Variants in DOLPP1 observed in about 807,000 individuals in gnomAD.
DOLPP1 encodes the protein dolichyldiphosphatase 1.
DOLPP1 carries 15 observed loss-of-function variants against 34.1 expected under a neutral mutation model. The observed-to-expected ratio is 0.44, with a 90% CI of 0.29 to 0.68. DOLPP1 has a LOEUF of 0.68. DOLPP1 is among the 30% of genes least tolerant of loss of function. The probability of loss-of-function intolerance (pLI) is 0.12; values close to 1 mark genes in which losing one functional copy is unlikely to be tolerated. For missense variants in DOLPP1, 249 were observed against 307.1 expected (o/e 0.81, Z 1.41); for synonymous variants, 130 against 128.2 (o/e 1.01, Z -0.10).
In DOLPP1 at chr9:129,085,322, G is replaced by A. The variant is rs777343699; in HGVS notation, c.362+16G>A. ...TGTATTTAAGGTGAGTTTCCACCCC[G>A]GTCAGGATGGCCCTGAACTTGCTCA... On this transcript the variant is annotated intron_variant, in intron 4 of 7. Transcript: ENST00000372546. The surrounding 1 kb of genome is among the most constrained non-coding windows in gnomAD (Gnocchi z 7.0). The A allele has an allele frequency of 3.5e-5, 57 of 1,608,540 alleles. No homozygotes were observed. In the South Asian group the frequency reaches 4.8e-4, roughly 14 times the overall value.
rs766353363 is a variant in DOLPP1, at chr9:129,086,120, G to A, written c.462-19G>A. On this transcript the variant is annotated intron_variant, in intron 5 of 7. Coordinates refer to ENST00000372546, the MANE Select transcript of DOLPP1 (RefSeq NM_020438.5). ...TGTCTGACTGGCTCTCACATACTTC[G>A]CTTCTGGCCTTGGCCCAGGGTCTAC... The A allele has an allele frequency of 7.4e-6, 12 of 1,611,284 alleles. No homozygotes were observed. The highest frequency in any genetic ancestry group is 8.5e-6 in the Non-Finnish European group (10 of 1,178,940).
In DOLPP1 at chr9:129,085,309, G is replaced by A; in HGVS notation, c.362+3G>A. On this transcript the variant is annotated splice_donor_region_variant and intron_variant, in intron 4 of 7. Transcript: ENST00000372546. The surrounding 1 kb of genome is among the most constrained non-coding windows in gnomAD (Gnocchi z 7.0). ...TCCTTCCTTTTCCTGTATTTAAGGTGAGTTTCCACCCCGGTCAGGATGGCC... is the reference window on the plus strand; with the variant it reads ...TCCTTCCTTTTCCTGTATTTAAGGTAAGTTTCCACCCCGGTCAGGATGGCC... The A allele has an allele frequency of 6.2e-7, 1 of 1,613,022 alleles. No homozygotes were observed. Among genetic ancestry groups the A allele is most frequent in the African/African-American group, 1.3e-5 (1 of 75,048 alleles).
chr9:129,081,194 C>T lies in DOLPP1; in HGVS notation c.63C>T (p.Val21=). ...ASWRPVTLTH[V]EYPAGDLSGH... ...GGCGGCCGGTGACCCTCACCCACGT[C>T]GAATATCCTGCAGGTAAAAGGCGGT... is the stretch of plus-strand genomic sequence containing the variant. Residue 21 remains valine (V), a synonymous_variant, in exon 1 of 8, where the codon GTC becomes GTT. Transcript: ENST00000372546. 1 of 1,610,286 alleles carries T rather than the reference C, an allele frequency of 6.2e-7. No homozygotes were observed. The highest frequency in any genetic ancestry group is 8.5e-7 in the Non-Finnish European group (1 of 1,179,630).
In DOLPP1 at chr9:129,086,218, A is replaced by G; in HGVS notation, c.541A>G (p.Ile181Val). The G allele has an allele frequency of 6.2e-7, 1 of 1,613,604 alleles. No individual in the cohort carries two copies. The highest frequency in any genetic ancestry group is 8.5e-7 in the Non-Finnish European group (1 of 1,179,994). Reference protein sequence around the residue: ...AGGLMAIAWFIFTQEVLTPLF... With the variant: ...AGGLMAIAWFVFTQEVLTPLF... ...AGGCCTCATGGCCATCGCCTGGTTC[A>G]TCTTCACCCAGGAGGTCCTCACCCC... The change falls in exon 6 of 8, where the codon ATC becomes GTC. Residue 181 changes from isoleucine to valine, a missense_variant. Transcript: ENST00000372546.
At position 129,081,166 on chromosome 9, in the gene DOLPP1, C is replaced by T. The variant is rs746315520; in HGVS notation, c.35C>T (p.Ser12Leu). ...AADGQCSLPA[S>L]WRPVTLTHVE... is the part of the protein sequence containing the mutation. The stretch of plus-strand genomic sequence containing the variant: ...GACGGACAGTGCTCGCTCCCCGCTT[C>T]ATGGCGGCCGGTGACCCTCACCCAC... The change falls in exon 1 of 8, where the codon TCA becomes TTA. Residue 12 changes from serine to leucine, a missense_variant. Coordinates refer to ENST00000372546, the MANE Select transcript of DOLPP1 (RefSeq NM_020438.5). 6.2e-7 allele frequency: 1 copy of T among 1,610,082 alleles called. No individual in the cohort carries two copies. The highest frequency in any genetic ancestry group is 8.5e-7 in the Non-Finnish European group (1 of 1,179,498).
chr9:129,087,477 G>A (rs1412497313), intron 7 of DOLPP1, among the ~76,000 whole-genome samples: 12 of 152,158 alleles, frequency 7.9e-5, no homozygotes. Context: ...CACCACGCCC[G>A]GCTAATTTTT....
chr9:129,086,787 G>A lies in DOLPP1; in HGVS notation c.669G>A (p.Arg223=). The change falls in exon 7 of 8, where the codon CGG becomes CGA. Residue 223 remains arginine, a synonymous_variant. Transcript: ENST00000372546. ...NVLWFEYTVT[R]AEARNRQRKL... ...TCTGGTTTGAGTACACGGTAACCCGGGCAGAAGCCAGGTGAGTTCAGGGGA... is the reference window on the plus strand; with the variant it reads ...TCTGGTTTGAGTACACGGTAACCCGAGCAGAAGCCAGGTGAGTTCAGGGGA... 1 of 1,613,606 alleles carries A rather than the reference G, an allele frequency of 6.2e-7. No individual in the cohort carries two copies. Among genetic ancestry groups the A allele is most frequent in the Non-Finnish European group, 8.5e-7 (1 of 1,179,978 alleles).
At chr9:129,083,539 T>C (rs1047820521) in intron 1 of DOLPP1, among the ~76,000 whole-genome samples, 1 of 152,136 alleles carries the variant, frequency 6.6e-6, no homozygotes, top group Non-Finnish European at 1.5e-5. Flanking sequence ...AGACCGGGCA[T>C]GTGTGTGTCT....
At chr9:129,088,153 G>A (rs1369994028) in intron 7 of DOLPP1, among the ~76,000 whole-genome samples, 1 of 128,776 alleles carries the variant, frequency 7.8e-6, no homozygotes, top group Non-Finnish European at 1.7e-5. Context: ...GGTGGGGGGG[G>A]ATGGGGGGAT....
At chr9:129,082,166 C>G (rs747869604) in intron 1 of DOLPP1, among the ~76,000 whole-genome samples, 18 of 152,196 alleles carry the variant, frequency 1.2e-4, no homozygotes, top group Non-Finnish European at 2.4e-4. Context: ...TCATTGAGCC[C>G]TGGTTGCCTG....
At chr9:129,084,209 T>C (rs1846941150) in intron 1 of DOLPP1, among the ~76,000 whole-genome samples, 1 of 152,186 alleles carries the variant, frequency 6.6e-6, no homozygotes, top group Non-Finnish European at 1.5e-5. Context: ...GTGGCTCTCA[T>C]GTGCCTGCCG....
intron 1 of DOLPP1, 34 bp downstream of exon 1, chr9:129,081,241 C>T: frequency 6.2e-7 from 1 of 1,603,654 alleles, no homozygotes; most frequent in South Asian, 1.1e-5. Flanking sequence ...GGACGCCTTC[C>T]CAGGGACGGC....
chr9:129,082,172 G>C (rs929724778), intron 1 of DOLPP1, among the ~76,000 whole-genome samples: 2 of 152,192 alleles, frequency 1.3e-5, no homozygotes, highest in Non-Finnish European at 2.9e-5. Context: ...AGCCCTGGTT[G>C]CCTGGGAAGG....
At position 129,081,201 on chromosome 9, in the gene DOLPP1, C is replaced by G. The variant is rs1846878961; in HGVS notation, c.70C>G (p.Pro24Ala). The G allele has an allele frequency of 1.2e-6, 2 of 1,609,984 alleles. No homozygotes were observed. The highest frequency in any genetic ancestry group is 1.3e-5 in the African/African-American group (1 of 74,830). The change falls in exon 1 of 8, where the codon CCT (proline) becomes GCT (alanine). Residue 24 changes from proline to alanine, a missense_variant. By Grantham distance (27) the Pro-to-Ala change is conservative (BLOSUM62 -1). Coordinates refer to ENST00000372546, the MANE Select transcript of DOLPP1 (RefSeq NM_020438.5). ...GGTGACCCTCACCCACGTCGAATAT[C>G]CTGCAGGTAAAAGGCGGTCCCGGCT... ...RPVTLTHVEY[P>A]AGDLSGHLLA...
At chr9:129,084,948 G>C (rs1836204777) in intron 2 of DOLPP1, 75 bp from the exon 3 acceptor site, 2 of 1,499,422 alleles carry the variant, frequency 1.3e-6, no homozygotes, top group South Asian at 1.3e-5. Context: ...TTCAGTCAGA[G>C]GCCATGGTCT....
intron 7 of DOLPP1, 124 bp downstream of exon 7, chr9:129,086,922 C>A: frequency 1.4e-6 from 1 of 734,110 alleles, no homozygotes; most frequent in South Asian, 1.6e-5. Flanking sequence ...CTCATTGAAT[C>A]CTGCTGTGAC....
chr9:129,083,222 A>G (rs1012411577), intron 1 of DOLPP1, among the ~76,000 whole-genome samples: 2 of 152,296 alleles, frequency 1.3e-5, no homozygotes, highest in Middle Eastern at 3.4e-3. Flanking sequence ...TAGAGAGGCC[A>G]GAGTCCCTGG....
At chr9:129,086,665 C>T (rs762895428) in intron 6 of DOLPP1, 44 bp from the exon 7 acceptor site, 1 of 1,576,420 alleles carries the variant, frequency 6.3e-7, no homozygotes, top group African/African-American at 1.3e-5. Flanking sequence ...GTAACAGACT[C>T]ATGCCCTGAT....
chr9:129,081,715 C>T (rs1247221547), intron 1 of DOLPP1, among the ~76,000 whole-genome samples: 4 of 152,222 alleles, frequency 2.6e-5, no homozygotes, highest in Admixed American at 2.6e-4. Context: ...CTGAGCAGGG[C>T]ACGATTCCAC....
Sources: allele counts gnomAD v4.1 joint callset (sites outside exome capture counted in the v4.1 genomes callset), GRCh38; gene constraint gnomAD v4.1.1; non-coding constraint Gnocchi (gnomAD v3.1); transcripts MANE v1.5; gene names NCBI Gene and HGNC (gene_info 2026-07-23, HGNC 2026-07-21).